The following FBN2 variants were observed in gnomAD, a reference collection of about 807,000 sequenced individuals.
The protein encoded by FBN2 is fibrillin 2.
A neutral mutation model predicts 355.6 loss-of-function variants in FBN2; 105 were observed. The observed-to-expected ratio is 0.30, with a 90% confidence interval of 0.25 to 0.35. The LOEUF is 0.35. Ranked by LOEUF, FBN2 falls within the 10% of genes least tolerant of loss-of-function variation. FBN2 has a pLI of 1.00. For missense variants in FBN2, 3,280 were observed against 3,758.7 expected, an observed-to-expected ratio of 0.87 and a Z score of 3.33; for synonymous variants, 1,350 against 1,301.2, an observed-to-expected ratio of 1.04 and a Z score of -0.81.
chr5:128,307,017 T>G lies in FBN2; in HGVS notation c.5422+118A>C, dbSNP rs376421941. Reference sequence around the variant, plus strand: ...TTATTTCTCTCTTATCTAACTATATTAGATTGGATCCCAGATTATTATATT... The same window carrying G: ...TTATTTCTCTCTTATCTAACTATATGAGATTGGATCCCAGATTATTATATT... On this transcript the variant is annotated intron_variant, in intron 42 of 64. Coordinates refer to ENST00000262464, the MANE Select transcript of FBN2 (RefSeq NM_001999.4). The G allele has an allele frequency of 3.8e-5, 28 of 734,902 alleles. 1 individual carries two copies. The South Asian group carries it at 4.1e-4, about 11-fold the overall frequency. The allele number at this position is 734,902 out of a possible 1,614,324, so 45.5% of individuals were successfully genotyped here.
intron 48 of FBN2, among the ~76,000 whole-genome samples, chr5:128,296,850 T>C (rs1189275421): frequency 3.3e-5 from 5 of 151,658 alleles, no homozygotes; most frequent in Admixed American, 6.6e-5. Flanking sequence ...AGTTCTGCTC[T>C]GATTTTAGTT....
chr5:128,387,374 T>G (rs927829064), intron 11 of FBN2, among the ~76,000 whole-genome samples: 3 of 152,148 alleles, frequency 2.0e-5, no homozygotes, highest in African/African-American at 7.2e-5. Flanking sequence ...TTAGTCTAGA[T>G]AGCAGGCTAT....
At chr5:128,466,079 G>A (rs947615522) in intron 5 of FBN2, among the ~76,000 whole-genome samples, 2 of 152,170 alleles carry the variant, frequency 1.3e-5, no homozygotes, top group African/African-American at 4.8e-5. Context: ...AAACAGAACT[G>A]AATCATGAAC....
intron 20 of FBN2, among the ~76,000 whole-genome samples, chr5:128,355,154 A>G (rs935681521): frequency 1.3e-5 from 2 of 152,354 alleles, no homozygotes; most frequent in Admixed American, 1.3e-4. Context: ...CTTGAGAAAG[A>G]ATGATTAATG....
chr5:128,328,976 C>T (rs1750624745), intron 33 of FBN2, among the ~76,000 whole-genome samples, 155 bp from the exon 34 acceptor site: 2 of 152,086 alleles, frequency 1.3e-5, no homozygotes, highest in South Asian at 4.1e-4. Context: ...GGGTATCAAC[C>T]TGAGAGAAAA....
intron 7 of FBN2, among the ~76,000 whole-genome samples, chr5:128,442,855 C>A (rs1457409733): frequency 6.6e-6 from 1 of 152,060 alleles, no homozygotes; most frequent in Non-Finnish European, 1.5e-5. Flanking sequence ...ACCTAGTTGT[C>A]TATATCTGAA....
chr5:128,439,418 T>C (rs1251982577), intron 7 of FBN2, among the ~76,000 whole-genome samples: 1 of 152,172 alleles, frequency 6.6e-6, no homozygotes, highest in Non-Finnish European at 1.5e-5. Context: ...AGAATTTTTA[T>C]TTTATCAACA....
chr5:128,391,966 C>A lies in FBN2; in HGVS notation c.1603+52G>T, dbSNP rs1306392237. On this transcript the variant is annotated intron_variant, in intron 11 of 64. Coordinates refer to ENST00000262464, the MANE Select transcript of FBN2 (RefSeq NM_001999.4). The stretch of plus-strand genomic sequence containing the variant: ...ATTCATTCCAATTTGATCCTGTAAT[C>A]TAATAGCTACTAAAAAAACTAAGAA... The A allele has an allele frequency of 2.6e-6, 4 of 1,514,466 alleles. No individual in the cohort carries two copies. In the Admixed American group the frequency reaches 5.0e-5, roughly 19 times the overall value. The allele number at this position is 1,514,466 out of a possible 1,614,324, so 93.8% of individuals were successfully genotyped here.
At chr5:128,519,215 T>C (rs1756364631) in intron 5 of FBN2, 58 bp downstream of exon 5, 3 of 1,199,594 alleles carry the variant, frequency 2.5e-6, no homozygotes, top group Non-Finnish European at 3.7e-6. Flanking sequence ...CAAAAAATTA[T>C]ACATTTTTAC....
At chr5:128,293,720 C>T (rs910423584) in intron 48 of FBN2, among the ~76,000 whole-genome samples, 1 of 152,030 alleles carries the variant, frequency 6.6e-6, no homozygotes, top group African/African-American at 2.4e-5. Flanking sequence ...GGCTGACACA[C>T]TACTTTTATT....
intron 8 of FBN2, among the ~76,000 whole-genome samples, chr5:128,401,925 CT>C (rs550068246): frequency 2.3e-4 from 35 of 152,218 alleles, no homozygotes; most frequent in Non-Finnish European, 4.3e-4. Context: ...TAAATTGTAA[CT>C]TTTTTCATAA....
chr5:128,456,153 C>T (rs1395155795), intron 6 of FBN2, among the ~76,000 whole-genome samples: 1 of 152,132 alleles, frequency 6.6e-6, no homozygotes, highest in Non-Finnish European at 1.5e-5. Context: ...CTTGTCCTCA[C>T]AGCCCAACAC....
At chr5:128,391,403 C>A (rs147765156) in intron 11 of FBN2, among the ~76,000 whole-genome samples, 1 of 152,058 alleles carries the variant, frequency 6.6e-6, no homozygotes, top group South Asian at 2.1e-4. Context: ...TGTAAAACAA[C>A]GACACTTGTT....
chr5:128,304,316 C>A (rs904865516), intron 45 of FBN2, among the ~76,000 whole-genome samples: 1 of 152,214 alleles, frequency 6.6e-6, no homozygotes, highest in Non-Finnish European at 1.5e-5. Flanking sequence ...AGCTTCATGG[C>A]ATCCAGCCCA....
At chr5:128,427,385 C>T (rs1357338945) in intron 7 of FBN2, among the ~76,000 whole-genome samples, 3 of 151,950 alleles carry the variant, frequency 2.0e-5, no homozygotes, top group Non-Finnish European at 2.9e-5. Context: ...AGCACCTTAC[C>T]ATTATATCCC....
intron 48 of FBN2, among the ~76,000 whole-genome samples, chr5:128,293,691 T>C (rs1581193878): frequency 6.6e-6 from 1 of 152,140 alleles, no homozygotes; most frequent in African/African-American, 2.4e-5. Context: ...GGCATATGTA[T>C]TTCTATTTCC....
chr5:128,262,550 G>A (rs1283635166), intron 63 of FBN2, among the ~76,000 whole-genome samples: 1 of 152,124 alleles, frequency 6.6e-6, no homozygotes, highest in African/African-American at 2.4e-5. Context: ...TGTTTCAGGG[G>A]CCTGAAGCCT....
intron 48 of FBN2, among the ~76,000 whole-genome samples, chr5:128,294,467 G>A (rs1204107630): frequency 3.3e-5 from 5 of 151,998 alleles, no homozygotes; most frequent in African/African-American, 1.2e-4. Context: ...GTGTAAAAGT[G>A]TTCCTATTTC....
intron 8 of FBN2, among the ~76,000 whole-genome samples, chr5:128,401,013 C>T (rs954530065): frequency 1.3e-5 from 2 of 152,172 alleles, no homozygotes; most frequent in Non-Finnish European, 2.9e-5. Context: ...CTCATTTTCT[C>T]CTGCTGCTGC....
Sources: gnomAD v4.1 joint callset for allele counts (sites outside exome capture counted in the v4.1 genomes callset) on GRCh38, gnomAD v4.1.1 for gene constraint, MANE v1.5 for transcripts, NCBI Gene and HGNC (gene_info 2026-07-23, HGNC 2026-07-21) for gene names.